The following IMMP2L variants were observed in gnomAD, a reference collection of about 807,000 sequenced individuals.
IMMP2L encodes the protein mitochondrial inner membrane protease subunit 2.
A neutral mutation model predicts 19.3 loss-of-function variants in IMMP2L; 18 were observed. The observed-to-expected ratio is 0.93, with a 90% confidence interval of 0.64 to 1.38. The LOEUF (loss-of-function observed/expected upper bound fraction) is 1.38. Among genes scored for constraint, IMMP2L ranks in the 40% most tolerant of loss-of-function variants. IMMP2L has a pLI of 0.00. For synonymous variants in IMMP2L, 76 were observed against 73.0 expected (o/e 1.04, Z -0.21); for missense variants, 233 against 218.2 (o/e 1.07, Z -0.43).
At chr7:110,693,465 T>C (rs1793653313) in intron 5 of IMMP2L, among the ~76,000 whole-genome samples, 2 of 152,234 alleles carry the variant, frequency 1.3e-5, no homozygotes, top group Non-Finnish European at 2.9e-5. Context: ...TATAGACTTA[T>C]TCATTTGTTC....
chr7:111,090,394 C>A (rs1252314220), intron 3 of IMMP2L, among the ~76,000 whole-genome samples: 2 of 151,964 alleles, frequency 1.3e-5, no homozygotes, highest in African/African-American at 4.8e-5. Context: ...TAAATACACA[C>A]ACACACTCAC....
At chr7:110,746,560 C>T (rs1797359857) in intron 5 of IMMP2L, among the ~76,000 whole-genome samples, 1 of 152,146 alleles carries the variant, frequency 6.6e-6, no homozygotes, top group Non-Finnish European at 1.5e-5. Flanking sequence ...GTCTCTCAGA[C>T]CACAGTGCAA....
chr7:111,430,336 A>G (rs907125349), intron 3 of IMMP2L, among the ~76,000 whole-genome samples: 1 of 151,756 alleles, frequency 6.6e-6, no homozygotes, highest in Non-Finnish European at 1.5e-5. Context: ...AAGTAACAGA[A>G]TATTATTATT....
At chr7:110,829,958 T>C (rs979159909) in intron 5 of IMMP2L, among the ~76,000 whole-genome samples, 2 of 152,184 alleles carry the variant, frequency 1.3e-5, no homozygotes, top group Non-Finnish European at 2.9e-5. Context: ...AAGGATATTA[T>C]GCATTGATAA....
At chr7:110,812,157 G>A (rs765410730) in intron 5 of IMMP2L, among the ~76,000 whole-genome samples, 1 of 152,050 alleles carries the variant, frequency 6.6e-6, no homozygotes, top group Non-Finnish European at 1.5e-5. Context: ...AATATAGGAA[G>A]TGAATCTCTT....
intron 5 of IMMP2L, among the ~76,000 whole-genome samples, chr7:110,750,911 CATG>C (rs1396501011): frequency 4.6e-5 from 7 of 151,916 alleles, no homozygotes; most frequent in South Asian, 4.1e-4. Flanking sequence ...GCAGAAAATC[CATG>C]ATGAACAAAA....
intron 3 of IMMP2L, among the ~76,000 whole-genome samples, chr7:111,086,399 T>G (rs1335509388): frequency 1.3e-5 from 2 of 151,914 alleles, no homozygotes; most frequent in Non-Finnish European, 2.9e-5. Context: ...ACTATGATCA[T>G]GCCATTGCAC....
intron 3 of IMMP2L, among the ~76,000 whole-genome samples, chr7:111,401,484 G>T (rs1276762220): frequency 6.6e-6 from 1 of 151,980 alleles, no homozygotes; most frequent in Non-Finnish European, 1.5e-5. Flanking sequence ...TAGATAAGTA[G>T]GATTAAAACT....
chr7:110,874,238 A>G (rs1335917250), intron 5 of IMMP2L, among the ~76,000 whole-genome samples: 1 of 152,090 alleles, frequency 6.6e-6, no homozygotes, highest in Admixed American at 6.6e-5. Flanking sequence ...AGAATGCTGT[A>G]AATAACGTTA....
chr7:111,084,189 A>C (rs970854867), intron 3 of IMMP2L, among the ~76,000 whole-genome samples: 3 of 152,142 alleles, frequency 2.0e-5, no homozygotes, highest in African/African-American at 7.2e-5. Flanking sequence ...AGATAATTTA[A>C]GAAAACTTCA....
intron 5 of IMMP2L, among the ~76,000 whole-genome samples, chr7:110,822,592 T>C (rs1803134713): frequency 6.6e-6 from 1 of 152,188 alleles, no homozygotes; most frequent in Non-Finnish European, 1.5e-5. Flanking sequence ...CTGAATATAG[T>C]ACCTTTCATA....
At chr7:111,209,597 C>T (rs1761987622) in intron 3 of IMMP2L, among the ~76,000 whole-genome samples, 1 of 152,036 alleles carries the variant, frequency 6.6e-6, no homozygotes, top group African/African-American at 2.4e-5. Context: ...TAAATAATTA[C>T]CACCTTTATC....
chr7:110,972,466 T>G (rs1284944707), intron 3 of IMMP2L, among the ~76,000 whole-genome samples: 1 of 152,112 alleles, frequency 6.6e-6, no homozygotes, highest in Non-Finnish European at 1.5e-5. Context: ...CTTTTTCCTT[T>G]CTGCTGGATA....
intron 5 of IMMP2L, among the ~76,000 whole-genome samples, chr7:110,734,368 T>C (rs1015260872): frequency 6.6e-6 from 1 of 152,196 alleles, no homozygotes; most frequent in African/African-American, 2.4e-5. Flanking sequence ...TTGGCTGAAC[T>C]GTTTGTCTCC....
chr7:111,522,595 T>C (rs889336045), intron 1 of IMMP2L, among the ~76,000 whole-genome samples: 3 of 151,940 alleles, frequency 2.0e-5, no homozygotes, highest in Non-Finnish European at 4.4e-5. Context: ...ACCACATGGA[T>C]ATCATTCCAC....
At chr7:110,679,343 A>C (rs1792534100) in intron 5 of IMMP2L, among the ~76,000 whole-genome samples, 1 of 152,176 alleles carries the variant, frequency 6.6e-6, no homozygotes, top group African/African-American at 2.4e-5. Context: ...GATAGTTAAC[A>C]GCTCACACTA....
chr7:111,281,174 GAA>G (rs1563004392), intron 3 of IMMP2L, among the ~76,000 whole-genome samples: 8,543 of 75,516 alleles, frequency 0.11, 575 homozygotes, highest in African/African-American at 0.18. Flanking sequence ...AAGAAAGAAA[GAA>G]AGAAAGAAAG....
chr7:111,072,928 A>C (rs779000451), intron 3 of IMMP2L, among the ~76,000 whole-genome samples: 204 of 152,082 alleles, frequency 1.3e-3, no homozygotes, highest in Non-Finnish European at 2.5e-3. Flanking sequence ...AGGAGTCTAA[A>C]GAGACATGAC....
chr7:111,063,171 G>C (rs2129574648), intron 3 of IMMP2L, among the ~76,000 whole-genome samples: 1 of 152,326 alleles, frequency 6.6e-6, no homozygotes, highest in East Asian at 1.9e-4. Flanking sequence ...TCTAAGCAGA[G>C]GTTGCCAAAC....
Sources: allele counts gnomAD v4.1 joint callset (sites outside exome capture counted in the v4.1 genomes callset), GRCh38; gene constraint gnomAD v4.1.1; transcripts MANE v1.5; gene names NCBI Gene and HGNC (gene_info 2026-07-23, HGNC 2026-07-21).